Variants in CLIC5 observed in about 807,000 individuals in gnomAD.
CLIC5 encodes CLIC family member 5.
Under a neutral mutation model 24.7 loss-of-function variants are expected in CLIC5, and 20 were observed. The observed-to-expected ratio is 0.81, with a 90% confidence interval of 0.57 to 1.18. The LOEUF is 1.18. CLIC5 is among the 50% of genes most tolerant of loss of function. The pLI is 0.00. For synonymous variants in CLIC5, 159 were observed against 135.6 expected, an observed-to-expected ratio of 1.17 and a Z score of -1.20; for missense variants, 341 against 326.1, an observed-to-expected ratio of 1.05 and a Z score of -0.35.
chr6:45,982,815 G>A (rs926324906), intron 1 of CLIC5, among the ~76,000 whole-genome samples: 1 of 152,152 alleles, frequency 6.6e-6, no homozygotes, highest in Non-Finnish European at 1.5e-5. Flanking sequence ...GTTTTAATAA[G>A]GGACATTTAA....
chr6:45,962,770 A>G (rs1764894213), intron 1 of CLIC5, among the ~76,000 whole-genome samples: 2 of 152,202 alleles, frequency 1.3e-5, no homozygotes, highest in Admixed American at 1.3e-4. Context: ...CCTCTAAGTG[A>G]GCAGGATCCA....
intron 1 of CLIC5, among the ~76,000 whole-genome samples, chr6:46,043,143 A>C (rs772303839): frequency 6.6e-6 from 1 of 152,216 alleles, no homozygotes; most frequent in Non-Finnish European, 1.5e-5. Context: ...GGTTGCAGTT[A>C]CTAGATGCAA....
In CLIC5 at chr6:45,902,958, A is replaced by G. The variant is rs187468500; in HGVS notation, c.*130T>C. On this transcript the variant is annotated 3_prime_UTR_variant, in exon 6 of 6. Transcript: ENST00000339561. The stretch of plus-strand genomic sequence containing the variant: ...AAGATAGCAGGCTGGAGTTCCCATG[A>G]TACCAGCAAGATGAGGCTTGATTAT... The G allele has an allele frequency of 2.4e-4, 242 of 1,001,326 alleles. 1 individual carries two copies. The East Asian group carries it at 3.8e-3, about 16-fold the overall frequency. 62.0% of individuals were successfully genotyped at this position (1,001,326 alleles called of 1,614,324 possible). A position where few individuals can be genotyped will look rare whatever the true frequency, so the allele number is the denominator to read the frequency against.
At chr6:45,915,095 A>G (rs150019761) in intron 4 of CLIC5, among the ~76,000 whole-genome samples, 2,903 of 151,006 alleles carry the variant, frequency 0.019, 99 homozygotes, top group African/African-American at 0.067. Flanking sequence ...ACACCCAGCT[A>G]ATTTTTGTAT....
intron 1 of CLIC5, among the ~76,000 whole-genome samples, chr6:46,024,092 A>G (rs2127451744): frequency 6.6e-6 from 1 of 152,324 alleles, no homozygotes; most frequent in South Asian, 2.1e-4. Context: ...CAGCAGTTAC[A>G]TTTGTGAGAG....
intron 1 of CLIC5, among the ~76,000 whole-genome samples, chr6:46,055,709 G>A (rs1581905297): frequency 6.6e-6 from 1 of 152,214 alleles, no homozygotes; most frequent in East Asian, 1.9e-4. Flanking sequence ...GCTGGTGGCT[G>A]TCCTTTACTG....
intron 1 of CLIC5, among the ~76,000 whole-genome samples, chr6:46,074,339 A>T (rs1244495505): frequency 6.6e-6 from 1 of 152,182 alleles, no homozygotes; most frequent in African/African-American, 2.4e-5. Flanking sequence ...GAATACCATG[A>T]CCCCTATAAC....
Position 45,999,726 on chromosome 6 carries a change from C to T in CLIC5, c.63+15754G>A, listed in dbSNP as rs1766281198. ...TGAATAGTAAATCTATTTTCTCTTC[C>T]TTGTGGTTTTTTTTTTTTTTTTTTT... On this transcript the variant is annotated intron_variant, in intron 1 of 5. Transcript: ENST00000339561. Among the ~76,000 whole-genome samples the T allele has an allele frequency of 1.6e-5, 2 of 124,328 alleles. 1 individual carries two copies. The highest frequency in any genetic ancestry group is 3.3e-5 in the Non-Finnish European group (2 of 61,220). The allele number at this position is 124,328 out of a possible 152,430, so 81.6% of individuals were successfully genotyped here.
intron 4 of CLIC5, among the ~76,000 whole-genome samples, chr6:45,941,155 G>A (rs1202599786): frequency 2.0e-5 from 3 of 152,166 alleles, no homozygotes; most frequent in African/African-American, 7.2e-5. Context: ...AACCTTGTAG[G>A]GACCAGAAGG....
the CLIC5 span, among the ~76,000 whole-genome samples, chr6:46,103,368 A>G: frequency 8.6e-3 from 1,306 of 152,284 alleles, 70 homozygotes; most frequent in Admixed American, 0.08. Context: ...AACCCTGCAA[A>G]GCTGCCTTTC....
chr6:46,123,009 G>T, the CLIC5 span: 1 of 152,214 alleles, frequency 6.6e-6, no homozygotes, highest in African/African-American at 2.4e-5. Flanking sequence ...GGTACAAGGA[G>T]TAGCTGGTAC....
intron 4 of CLIC5, among the ~76,000 whole-genome samples, chr6:45,933,972 G>GAA (rs777003618): frequency 7.2e-5 from 11 of 152,226 alleles, no homozygotes; most frequent in African/African-American, 9.6e-5. Context: ...ACAGCAGCCT[G>GAA]AAAGAGAAGT....
chr6:46,062,852 T>G (rs142934177), intron 1 of CLIC5, among the ~76,000 whole-genome samples: 1 of 152,294 alleles, frequency 6.6e-6, no homozygotes, highest in African/African-American at 2.4e-5. Context: ...TTCTAGAGTT[T>G]TCTAAAGAAA....
intron 1 of CLIC5, among the ~76,000 whole-genome samples, chr6:46,031,893 C>T (rs12199824): frequency 6.8e-6 from 1 of 146,836 alleles, no homozygotes; most frequent in African/African-American, 2.5e-5. Flanking sequence ...TATATACACA[C>T]ATATATATAT....
the CLIC5 span, among the ~76,000 whole-genome samples, chr6:46,086,428 A>C: frequency 2.0e-5 from 3 of 152,228 alleles, no homozygotes; most frequent in Non-Finnish European, 4.4e-5. Flanking sequence ...TAAGTGGACA[A>C]TTAGAGTGGA....
the CLIC5 span, among the ~76,000 whole-genome samples, chr6:46,088,064 T>C: frequency 1.3e-5 from 2 of 152,070 alleles, no homozygotes; most frequent in African/African-American, 2.4e-5. Flanking sequence ...TGGGATTTTA[T>C]CATTTAGGGA....
the CLIC5 span, among the ~76,000 whole-genome samples, chr6:46,088,846 T>C: frequency 5.3e-5 from 8 of 152,330 alleles, no homozygotes; most frequent in South Asian, 1.2e-3. Context: ...CTTGAACAAG[T>C]GATCGTCCCA....
chr6:45,956,054 T>G (rs938429869), intron 1 of CLIC5, among the ~76,000 whole-genome samples: 1 of 152,124 alleles, frequency 6.6e-6, no homozygotes, highest in African/African-American at 2.4e-5. Context: ...ATAACAGAAT[T>G]ATTATTGGGT....
At chr6:46,024,668 T>C (rs1767281117) in intron 1 of CLIC5, among the ~76,000 whole-genome samples, 1 of 152,206 alleles carries the variant, frequency 6.6e-6, no homozygotes, top group Admixed American at 6.5e-5. Context: ...TCAGACAATC[T>C]TGAATTGAGT....
Sources: gnomAD v4.1 joint callset for allele counts (sites outside exome capture counted in the v4.1 genomes callset) on GRCh38, gnomAD v4.1.1 for gene constraint, MANE v1.5 for transcripts, NCBI Gene and HGNC (gene_info 2026-07-23, HGNC 2026-07-21) for gene names.